ACVR1C: variants seen among roughly 807,000 people sequenced by gnomAD.
The protein encoded by ACVR1C is activin receptor type-1C.
Under a neutral mutation model 57.9 loss-of-function variants are expected in ACVR1C, and 23 were observed. The observed-to-expected ratio is 0.40, with a 90% CI of 0.29 to 0.56. The LOEUF is 0.56. Among genes scored for constraint, ACVR1C ranks in the 20% least tolerant of loss-of-function variants. The pLI is 0.50. For synonymous variants in ACVR1C, 214 were observed against 215.3 expected (o/e 0.99, Z 0.05); for missense variants, 480 against 607.9 (o/e 0.79, Z 2.21).
At chr2:157,538,205 C>A (rs1573902241) in intron 8 of ACVR1C, among the ~76,000 whole-genome samples, 1 of 152,144 alleles carries the variant, frequency 6.6e-6, no homozygotes, top group East Asian at 1.9e-4. Context: ...GTGTGATCTT[C>A]CAGCTCCTCT....
At chr2:157,559,261 T>C (rs1024829277) in intron 2 of ACVR1C, among the ~76,000 whole-genome samples, 5 of 152,172 alleles carry the variant, frequency 3.3e-5, no homozygotes, top group Admixed American at 6.5e-5. Context: ...AATTTACCGA[T>C]ATGAGTCAGT....
At chr2:157,534,130 T>G in intron 8 of ACVR1C, 87 bp from the exon 9 acceptor site, 1 of 1,243,174 alleles carries the variant, frequency 8.0e-7, no homozygotes. Flanking sequence ...ATCCAGGAAT[T>G]GATGCTAAGC....
intron 2 of ACVR1C, among the ~76,000 whole-genome samples, chr2:157,559,762 A>G (rs1221297048): frequency 6.6e-6 from 1 of 152,132 alleles, no homozygotes; most frequent in Non-Finnish European, 1.5e-5. Flanking sequence ...GCACTAACCC[A>G]TAAAGGTGAG....
chr2:157,603,926 G>A (rs949247141), intron 1 of ACVR1C, among the ~76,000 whole-genome samples: 1 of 152,018 alleles, frequency 6.6e-6, no homozygotes, highest in Non-Finnish European at 1.5e-5. Context: ...AAATAGTACA[G>A]GAAGAATTTA....
intron 3 of ACVR1C, among the ~76,000 whole-genome samples, chr2:157,554,671 G>T (rs1302018499): frequency 6.6e-6 from 1 of 152,128 alleles, no homozygotes; most frequent in Non-Finnish European, 1.5e-5. Context: ...ATCCAAAGCA[G>T]CTTCATGCTA....
Position 157,542,858 on chromosome 2 carries a change from T to C in ACVR1C, c.948A>G (p.Lys316=). Residue 316 remains lysine (K), a synonymous_variant, in exon 6 of 9, where the codon AAA becomes AAG. Coordinates refer to ENST00000243349, the MANE Select transcript of ACVR1C (RefSeq NM_145259.3). ...TTATGTCTCGATGAGCAATAGCAGG[T>C]TTACCTATGAAGCAAAGAAGAACAT... is the stretch of plus-strand genomic sequence containing the variant. The part of the protein sequence containing the change: ...LHMEIVGTQG[K]PAIAHRDIKS... 6.2e-7 allele frequency: 1 copy of C among 1,613,694 alleles called. No individual in the cohort carries two copies. The highest frequency in any genetic ancestry group is 1.1e-5 in the South Asian group (1 of 91,034).
chr2:157,547,804 A>C (rs372415905), intron 4 of ACVR1C, among the ~76,000 whole-genome samples: 65 of 151,622 alleles, frequency 4.3e-4, no homozygotes, highest in African/African-American at 9.7e-4. Flanking sequence ...TTTTGCTGTG[A>C]AGAAGCTCTT....
At chr2:157,626,112 G>A (rs545699328) in intron 1 of ACVR1C, among the ~76,000 whole-genome samples, 2 of 152,274 alleles carry the variant, frequency 1.3e-5, no homozygotes, top group Admixed American at 6.5e-5. Context: ...CTACAGGTGT[G>A]TGCCACCAGA....
chr2:157,597,645 C>T (rs562515571), intron 1 of ACVR1C: 2 of 800,918 alleles, frequency 2.5e-6, no homozygotes, highest in South Asian at 1.1e-4. Context: ...CTATTTTTTA[C>T]AGAATGACCT....
At chr2:157,566,927 A>G (rs539741834) in intron 2 of ACVR1C, among the ~76,000 whole-genome samples, 9 of 146,702 alleles carry the variant, frequency 6.1e-5, no homozygotes, top group Admixed American at 4.1e-4. Context: ...ACAGACAAAC[A>G]AAAAGACAGC....
chr2:157,534,087 A>G, intron 8 of ACVR1C, 44 bp from the exon 9 acceptor site: 1 of 1,445,860 alleles, frequency 6.9e-7, no homozygotes, highest in South Asian at 1.6e-5. Context: ...GCTACTCTAC[A>G]TAAAACAGAG....
Position 157,528,916 on chromosome 2 carries a change from G to A in ACVR1C, c.*5002C>T, listed in dbSNP as rs2105193187. 6.6e-6 allele frequency: 1 copy of A among 152,248 alleles called. No individual in the cohort carries two copies. The highest frequency in any genetic ancestry group is 1.9e-4 in the East Asian group (1 of 5,184). The allele number at this position is 152,248 out of a possible 1,614,324, so 9.4% of individuals were successfully genotyped here. On this transcript the variant is annotated 3_prime_UTR_variant, in exon 9 of 9. Coordinates refer to ENST00000243349, the MANE Select transcript of ACVR1C (RefSeq NM_145259.3). The stretch of plus-strand genomic sequence containing the variant: ...AGAGAACTTAAAATCTTGTTAAGAA[G>A]TTCATTGTGTAGAAGTTTGGACAGG...
intron 8 of ACVR1C, among the ~76,000 whole-genome samples, chr2:157,538,097 G>GC (rs1251988424): frequency 6.6e-6 from 1 of 152,174 alleles, no homozygotes. Context: ...GCAGTGCCTA[G>GC]CCCCCCTGCA....
intron 1 of ACVR1C, among the ~76,000 whole-genome samples, chr2:157,607,519 T>C (rs1558995419): frequency 6.6e-6 from 1 of 151,834 alleles, no homozygotes; most frequent in Non-Finnish European, 1.5e-5. Context: ...ATTAGTATTT[T>C]GATAGAAATT....
chr2:157,607,887 G>A (rs1343015518), intron 1 of ACVR1C, among the ~76,000 whole-genome samples: 3 of 151,734 alleles, frequency 2.0e-5, no homozygotes, highest in African/African-American at 4.8e-5. Flanking sequence ...ATATAAGATC[G>A]TGTCCTCTGC....
intron 2 of ACVR1C, among the ~76,000 whole-genome samples, chr2:157,565,131 A>C (rs886666951): frequency 3.3e-5 from 5 of 151,358 alleles, no homozygotes; most frequent in Admixed American, 2.6e-4. Flanking sequence ...AAATTCTTTT[A>C]AAAATAAAAA....
chr2:157,568,644 T>C (rs1164482980), intron 2 of ACVR1C, among the ~76,000 whole-genome samples: 2 of 84,768 alleles, frequency 2.4e-5, no homozygotes, highest in African/African-American at 4.7e-5. Context: ...AAGGGATCAA[T>C]TCCACAAGAG....
chr2:157,615,356 T>C (rs1419091655), intron 1 of ACVR1C, among the ~76,000 whole-genome samples: 1 of 149,318 alleles, frequency 6.7e-6, no homozygotes, highest in East Asian at 1.9e-4. Context: ...CCAGGTGTGG[T>C]GCATGCTTTG....
rs554137771 is a variant in ACVR1C at position 157,533,686 on chromosome 2, G to A, written c.*232C>T. Reference sequence around the variant, plus strand: ...TCTTCCTTATTAAATAAAAAGATGAGTTGAGGTGTTGCTTTCAAAATAAAA... The same window carrying A: ...TCTTCCTTATTAAATAAAAAGATGAATTGAGGTGTTGCTTTCAAAATAAAA... On this transcript the variant is annotated 3_prime_UTR_variant, in exon 9 of 9. Coordinates refer to ENST00000243349, the MANE Select transcript of ACVR1C (RefSeq NM_145259.3). The A allele has an allele frequency of 3.7e-6, 1 of 269,974 alleles. No homozygotes were observed. Among genetic ancestry groups the A allele is most frequent in the Admixed American group, 5.3e-5 (1 of 18,822 alleles). The allele number at this position is 269,974 out of a possible 1,614,324, so 16.7% of individuals were successfully genotyped here.
Sources: allele counts gnomAD v4.1 joint callset (sites outside exome capture counted in the v4.1 genomes callset), GRCh38; gene constraint gnomAD v4.1.1; transcripts MANE v1.5; gene names NCBI Gene and HGNC (gene_info 2026-07-23, HGNC 2026-07-21).